Variants in DNAH12 observed in about 807,000 individuals in gnomAD.
DNAH12 encodes axonemal beta dynein heavy chain 12.
In DNAH12, 285 loss-of-function variants were observed where a neutral mutation model predicts 371.5. The observed-to-expected ratio is 0.77, with a 90% CI of 0.70 to 0.85. DNAH12 has a LOEUF of 0.85. DNAH12 is among the 40% of genes least tolerant of loss of function. DNAH12 has a pLI of 0.00. For missense variants in DNAH12, 3,611 were observed against 3,689.4 expected (o/e 0.98, Z 0.55); for synonymous variants, 1,200 against 1,213.0 (o/e 0.99, Z 0.22).
intron 13 of DNAH12, among the ~76,000 whole-genome samples, chr3:57,477,082 T>C (rs2066555147): frequency 6.6e-6 from 1 of 151,942 alleles, no homozygotes; most frequent in South Asian, 2.1e-4. Flanking sequence ...TAGGTGCAGG[T>C]CAGTGGGTGC....
At chr3:57,519,757 C>G in intron 4 of DNAH12, 1 of 1,607,054 alleles carries the variant, frequency 6.2e-7, no homozygotes, top group East Asian at 2.2e-5. Context: ...GCAGCAGTTG[C>G]GGAAGGAATG....
At chr3:57,359,916 G>GT (rs2062886392) in intron 58 of DNAH12, among the ~76,000 whole-genome samples, 1 of 152,146 alleles carries the variant, frequency 6.6e-6, no homozygotes, top group Non-Finnish European at 1.5e-5. Context: ...CAGATACAGA[G>GT]TATGTTTTAG....
intron 2 of DNAH12, among the ~76,000 whole-genome samples, chr3:57,533,648 G>A (rs2068926450): frequency 6.6e-6 from 1 of 152,210 alleles, no homozygotes; most frequent in Admixed American, 6.5e-5. Flanking sequence ...ATGTAATCCA[G>A]AAGCTAGGGC....
At chr3:57,311,161 C>T (rs1320952512) in intron 66 of DNAH12, among the ~76,000 whole-genome samples, 5 of 152,138 alleles carry the variant, frequency 3.3e-5, no homozygotes, top group Non-Finnish European at 5.9e-5. Flanking sequence ...CTGCAACCTC[C>T]GCCTCCCAGG....
chr3:57,297,105 C>CT (rs2061248442), intron 70 of DNAH12, 121 bp from the exon 71 acceptor site: 11 of 1,127,110 alleles, frequency 9.8e-6, no homozygotes, highest in Admixed American at 6.9e-5. Flanking sequence ...ACGAGGCCCT[C>CT]TTCCCTGACG....
At chr3:57,482,880 C>T (rs2066794232) in intron 13 of DNAH12, among the ~76,000 whole-genome samples, 1 of 130,474 alleles carries the variant, frequency 7.7e-6, no homozygotes, top group Non-Finnish European at 1.5e-5. Flanking sequence ...AATGAGAACA[C>T]ATGGACACAG....
intron 11 of DNAH12, among the ~76,000 whole-genome samples, chr3:57,489,957 T>C (rs1434529302): frequency 6.6e-6 from 1 of 152,180 alleles, no homozygotes; most frequent in Non-Finnish European, 1.5e-5. Flanking sequence ...CCTCAATAAT[T>C]ATTTTTTAAA....
rs2069351639 is a variant in DNAH12 at position 57,542,828 on chromosome 3, C to T, written c.43G>A (p.Ala15Thr). 2 of 1,602,520 alleles carry T rather than the reference C, an allele frequency of 1.2e-6. No homozygotes were observed. The highest frequency in any genetic ancestry group is 1.7e-6 in the Non-Finnish European group (2 of 1,176,936). Residue 15 changes from alanine (A) to threonine (T), a missense_variant, in exon 2 of 74, where the codon GCT becomes ACT. Ala to Thr is a moderately conservative substitution (Grantham distance 58). Coordinates refer to ENST00000495027, the MANE Select transcript of DNAH12 (RefSeq NM_001366028.2). ...ATGGGGGGTAACTTCAAGTTCAGAG[C>T]TTCCTTTTCTGCTGCAATGGCAGCT... ...NKAAIAAEKE[A>T]LNLKLPPIVH...
Position 57,437,036 on chromosome 3 carries a change from C to T in DNAH12, c.4570G>A (p.Ala1524Thr). Reference protein sequence around the residue: ...YHEFLECAHEACNVHNLQPVK... With the variant: ...YHEFLECAHETCNVHNLQPVK... ...GGCTGAAGATTATGTACATTGCAGG[C>T]TTCATGAGCACATTCCAAAAATTCC... The change falls in exon 30 of 74, where the codon GCC (alanine) becomes ACC (threonine). Residue 1524 changes from alanine to threonine, a missense_variant. Around this residue, in one of 3 missense-constraint regions of DNAH12, gnomAD observed 2,266 missense variants for 2,236.9 expected, o/e 1.01. Transcript: ENST00000495027. 1 of 1,515,524 alleles carries T rather than the reference C, an allele frequency of 6.6e-7. No individual in the cohort carries two copies. The highest frequency in any genetic ancestry group is 8.8e-7 in the Non-Finnish European group (1 of 1,137,110). 93.9% of individuals were successfully genotyped at this position (1,515,524 alleles called of 1,614,324 possible).
intron 13 of DNAH12, among the ~76,000 whole-genome samples, chr3:57,481,543 C>G (rs1422391407): frequency 2.0e-5 from 3 of 152,086 alleles, no homozygotes. Flanking sequence ...CTACCAATGA[C>G]TTTCTTCACA....
intron 59 of DNAH12, among the ~76,000 whole-genome samples, chr3:57,356,562 T>C (rs2062806553): frequency 6.6e-6 from 1 of 151,744 alleles, no homozygotes; most frequent in Non-Finnish European, 1.5e-5. Flanking sequence ...GCGCTAGAGT[T>C]GCTAGGAAAA....
chr3:57,476,451 C>A (rs773512081), intron 13 of DNAH12, among the ~76,000 whole-genome samples: 6 of 152,108 alleles, frequency 3.9e-5, no homozygotes, highest in Non-Finnish European at 8.8e-5. Flanking sequence ...GTACTCCCAG[C>A]TACTCAGGAG....
At chr3:57,519,838 A>G in intron 4 of DNAH12, 11 of 1,151,858 alleles carry the variant, frequency 9.5e-6, no homozygotes, top group Non-Finnish European at 1.5e-5. Flanking sequence ...ACAGGCATCC[A>G]TCACCTGGAC....
At chr3:57,399,394 TA>T (rs1241243402) in intron 43 of DNAH12, among the ~76,000 whole-genome samples, 2 of 151,666 alleles carry the variant, frequency 1.3e-5, no homozygotes, top group Admixed American at 6.6e-5. Context: ...CCAAATGGAT[TA>T]AAAAAAAGAT....
At chr3:57,521,498 T>TA (rs1162093190) in intron 4 of DNAH12, among the ~76,000 whole-genome samples, 6 of 150,516 alleles carry the variant, frequency 4.0e-5, no homozygotes, top group Admixed American at 6.6e-5. Flanking sequence ...CCCCTGTCTC[T>TA]AAAAAAAAAG....
intron 43 of DNAH12, among the ~76,000 whole-genome samples, chr3:57,401,724 A>G (rs2063872788): frequency 6.6e-6 from 1 of 152,024 alleles, no homozygotes; most frequent in Non-Finnish European, 1.5e-5. Flanking sequence ...GATGAATGAA[A>G]TAGAGAATAG....
chr3:57,389,798 ATGTGTGTGTGTG>A (rs1211815764), intron 45 of DNAH12, among the ~76,000 whole-genome samples: 3 of 92,560 alleles, frequency 3.2e-5, no homozygotes, highest in Non-Finnish European at 7.2e-5. Flanking sequence ...ATATACACAT[ATGTGTGTGTGTG>A]TGTGTGTGTG....
chr3:57,299,206 G>C (rs1033900032), intron 70 of DNAH12, among the ~76,000 whole-genome samples: 2 of 152,174 alleles, frequency 1.3e-5, no homozygotes, highest in East Asian at 1.9e-4. Flanking sequence ...CCACTCGCCC[G>C]TGGCTTCCTT....
chr3:57,468,921 C>T lies in DNAH12; in HGVS notation c.2164G>A (p.Glu722Lys), dbSNP rs2066282734. ...GTCTTAAAAATTTCTCGGGAAAACT[C>T]TTCCACATCAGCCTCCATGCTTTCC... is the stretch of plus-strand genomic sequence containing the variant. ...NGESMEADVEEFSREIFKTLK... is the reference protein window; with the variant it reads ...NGESMEADVEKFSREIFKTLK... The change falls in exon 17 of 74, where the codon GAG becomes AAG. Residue 722 changes from glutamate (E) to lysine (K), a missense_variant. Glu to Lys is a moderately conservative substitution (Grantham distance 56, BLOSUM62 1). This residue lies in a region of DNAH12 where 1,314 missense variants were observed against 1,398.7 expected (regional missense o/e 0.94). Coordinates refer to ENST00000495027, the MANE Select transcript of DNAH12 (RefSeq NM_001366028.2). 3.3e-6 allele frequency: 5 copies of T among 1,521,438 alleles called. No individual in the cohort carries two copies. Among genetic ancestry groups the T allele is most frequent in the Non-Finnish European group, 4.4e-6 (5 of 1,138,164 alleles). 94.2% of individuals were successfully genotyped at this position (1,521,438 alleles called of 1,614,324 possible). A position where few individuals can be genotyped will look rare whatever the true frequency, so the allele number is the denominator to read the frequency against.
Sources: allele counts gnomAD v4.1 joint callset (sites outside exome capture counted in the v4.1 genomes callset), GRCh38; gene constraint gnomAD v4.1.1; regional missense constraint gnomAD v4.1.1; transcripts MANE v1.5; gene names NCBI Gene and HGNC (gene_info 2026-07-23, HGNC 2026-07-21).